The following CLIP1 variants were observed in gnomAD, a reference collection of about 807,000 sequenced individuals.
The protein encoded by CLIP1 is CAP-Gly domain-containing linker protein 1.
Under a neutral mutation model 161.6 loss-of-function variants are expected in CLIP1, and 66 were observed. The observed-to-expected ratio is 0.41, with a 90% CI of 0.33 to 0.50. The LOEUF is 0.50. CLIP1 is among the 20% of genes least tolerant of loss of function. The pLI, the probability that CLIP1 is intolerant of heterozygous loss-of-function variation, is 0.27. For missense variants in CLIP1, 1,376 were observed against 1,702.0 expected, an observed-to-expected ratio of 0.81 and a Z score of 3.37; for synonymous variants, 598 against 626.2, an observed-to-expected ratio of 0.96 and a Z score of 0.67.
At chr12:122,352,572 A>G (rs1953092212) in intron 8 of CLIP1, among the ~76,000 whole-genome samples, 154 bp downstream of exon 8, 1 of 151,978 alleles carries the variant, frequency 6.6e-6, no homozygotes, top group Non-Finnish European at 1.5e-5. Flanking sequence ...AGGCTCAAGT[A>G]CCGGCACCGT....
chr12:122,329,390 A>G (rs530765891), intron 15 of CLIP1, among the ~76,000 whole-genome samples: 5 of 152,178 alleles, frequency 3.3e-5, no homozygotes, highest in African/African-American at 1.2e-4. Context: ...GCACTTTGGG[A>G]GGCCGATGGG....
intron 15 of CLIP1, among the ~76,000 whole-genome samples, chr12:122,330,871 C>T (rs1475885694): frequency 5.3e-5 from 8 of 150,502 alleles, no homozygotes; most frequent in Non-Finnish European, 3.0e-5. Context: ...AAAGTGCTGG[C>T]ATGACAGGCC....
At chr12:122,324,139 TTC>T (rs1242112466) in intron 17 of CLIP1, 1 of 152,694 alleles carries the variant, frequency 6.5e-6, no homozygotes, top group African/African-American at 2.4e-5. Context: ...CTTGCTTTTC[TTC>T]TAAGAATTTC....
At chr12:122,390,172 G>GATATATATATATATATATT (rs1955536826) in intron 1 of CLIP1, among the ~76,000 whole-genome samples, 1 of 93,536 alleles carries the variant, frequency 1.1e-5, no homozygotes, top group Non-Finnish European at 2.2e-5. Flanking sequence ...CACAGTCTCA[G>GATATATATATATATATATT]ATATATATAT....
chr12:122,281,029 T>C (rs1955624340), intron 21 of CLIP1, among the ~76,000 whole-genome samples: 1 of 152,244 alleles, frequency 6.6e-6, no homozygotes, highest in South Asian at 2.1e-4. Context: ...GTCTGGTTAG[T>C]GAGACCCAAG....
At chr12:122,358,831 C>A (rs1953636274) in intron 5 of CLIP1, among the ~76,000 whole-genome samples, 1 of 151,706 alleles carries the variant, frequency 6.6e-6, no homozygotes, top group African/African-American at 2.4e-5. Context: ...GAAGCAGAGG[C>A]GGGCAGATCA....
Position 122,272,824 on chromosome 12 carries a change from G to A in CLIP1, c.*51C>T. 1 of 1,464,996 alleles carries A rather than the reference G, an allele frequency of 6.8e-7. No homozygotes were observed. Among genetic ancestry groups the A allele is most frequent in the African/African-American group, 1.4e-5 (1 of 72,046 alleles). 90.7% of individuals were successfully genotyped at this position (1,464,996 alleles called of 1,614,324 possible). A position where few individuals can be genotyped will look rare whatever the true frequency, so the allele number is the denominator to read the frequency against. ...GCACACACAATGCTGGTGTTACGTT[G>A]TGTCAATGCGAGTGCGTCTGAGCAA... On this transcript the variant is annotated 3_prime_UTR_variant, in exon 26 of 26. Coordinates refer to ENST00000620786, the MANE Select transcript of CLIP1 (RefSeq NM_001247997.2).
At chr12:122,296,915 T>A (rs541663743) in intron 20 of CLIP1, among the ~76,000 whole-genome samples, 2 of 145,148 alleles carry the variant, frequency 1.4e-5, no homozygotes, top group East Asian at 4.0e-4. Flanking sequence ...AGAGGATGAA[T>A]GGGAGTACAG....
chr12:122,412,900 A>G (rs1370865067), intron 1 of CLIP1, among the ~76,000 whole-genome samples: 3 of 152,156 alleles, frequency 2.0e-5, no homozygotes, highest in Admixed American at 6.6e-5. Context: ...ACTGGAAAAC[A>G]TTTTCTAAAA....
rs751177557 is a variant in CLIP1 at position 122,288,554 on chromosome 12, C to T, written c.3595-13G>A. 3 of 1,603,018 alleles carry T rather than the reference C, an allele frequency of 1.9e-6. No homozygotes were observed. The highest frequency in any genetic ancestry group is 2.5e-6 in the Non-Finnish European group (3 of 1,178,956). On this transcript the variant is annotated splice_polypyrimidine_tract_variant and intron_variant, in intron 20 of 25. Transcript: ENST00000620786. ...TTTCTTCTTCCAGCTAGGAAAAAAACACAAAAAACTTCAGTTCATAACCAG... is the reference window on the plus strand; with the variant it reads ...TTTCTTCTTCCAGCTAGGAAAAAAATACAAAAAACTTCAGTTCATAACCAG...
chr12:122,334,839 A>G (rs1053442572), intron 12 of CLIP1, 134 bp from the exon 13 acceptor site: 15 of 644,152 alleles, frequency 2.3e-5, no homozygotes, highest in African/African-American at 9.1e-5. Context: ...ATACACCTCA[A>G]ACATATGACA....
At chr12:122,407,521 C>T (rs1956366716) in intron 1 of CLIP1, among the ~76,000 whole-genome samples, 1 of 151,606 alleles carries the variant, frequency 6.6e-6, no homozygotes, top group Admixed American at 6.6e-5. Flanking sequence ...CCAGCCTGGG[C>T]AACACGGCAA....
intron 20 of CLIP1, among the ~76,000 whole-genome samples, chr12:122,307,541 GTAC>G (rs1333479544): frequency 6.6e-6 from 1 of 152,096 alleles, no homozygotes; most frequent in Non-Finnish European, 1.5e-5. Flanking sequence ...TTTTTCTGTA[GTAC>G]TACAACTAAA....
Position 122,350,794 on chromosome 12 carries a change from A to C in CLIP1, c.1401+317T>G, listed in dbSNP as rs575509114. ...CTTTTGGAATAATTCCACTAAAATT[A>C]GAAGACATTATGAATTAGGTGAAGA... On this transcript the variant is annotated intron_variant, in intron 9 of 25. Coordinates refer to ENST00000620786, the MANE Select transcript of CLIP1 (RefSeq NM_001247997.2). Among the ~76,000 whole-genome samples, 4 of 151,760 alleles carry C rather than the reference A, an allele frequency of 2.6e-5. No individual in the cohort carries two copies. In the South Asian group the frequency reaches 8.3e-4, roughly 32 times the overall value.
In CLIP1 at chr12:122,354,342, C is replaced by T; in HGVS notation, c.1307+111G>A. 3 of 688,070 alleles carry T rather than the reference C, an allele frequency of 4.4e-6. No homozygotes were observed. In the South Asian group the frequency reaches 5.0e-5, roughly 11 times the overall value. The allele number at this position is 688,070 out of a possible 1,614,324, so 42.6% of individuals were successfully genotyped here. On this transcript the variant is annotated intron_variant, in intron 7 of 25. Coordinates refer to ENST00000620786, the MANE Select transcript of CLIP1 (RefSeq NM_001247997.2). Reference sequence around the variant, plus strand: ...CCTGGGAGGCAGAGGTTGTAGTGAGCTGAGATTGCACCACTGCACTGCAGC... The same window carrying T: ...CCTGGGAGGCAGAGGTTGTAGTGAGTTGAGATTGCACCACTGCACTGCAGC...
intron 20 of CLIP1, among the ~76,000 whole-genome samples, chr12:122,295,588 T>C (rs1386336549): frequency 6.6e-6 from 1 of 152,236 alleles, no homozygotes. Context: ...CTTCTGCTGC[T>C]GTTGGATGGA....
chr12:122,391,198 G>A (rs1187961491), intron 1 of CLIP1, among the ~76,000 whole-genome samples: 1 of 151,762 alleles, frequency 6.6e-6, no homozygotes, highest in Non-Finnish European at 1.5e-5. Context: ...TGAGGCAGGA[G>A]GAATGCTTGA....
intron 20 of CLIP1, among the ~76,000 whole-genome samples, chr12:122,301,801 CTTTAT>C (rs1472590431): frequency 5.9e-5 from 9 of 152,200 alleles, no homozygotes; most frequent in South Asian, 4.1e-4. Context: ...TTGCTAAGGC[CTTTAT>C]TTTGATTCAT....
intron 6 of CLIP1, 26 bp from the exon 7 acceptor site, chr12:122,354,582 A>G: frequency 1.3e-6 from 2 of 1,577,152 alleles, no homozygotes; most frequent in Non-Finnish European, 8.7e-7. Flanking sequence ...ATGTCGGTAA[A>G]TGGACTATTT....
Sources: gnomAD v4.1 joint callset for allele counts (sites outside exome capture counted in the v4.1 genomes callset) on GRCh38, gnomAD v4.1.1 for gene constraint, MANE v1.5 for transcripts, NCBI Gene and HGNC (gene_info 2026-07-23, HGNC 2026-07-21) for gene names.